The following WDFY4 variants were observed in gnomAD, a reference collection of about 807,000 sequenced individuals.
WDFY4 encodes WD repeat- and FYVE domain-containing protein 4.
Under a neutral mutation model 351.9 loss-of-function variants are expected in WDFY4, and 169 were observed. That is an observed-to-expected ratio of 0.48 (90% CI 0.42 to 0.55). WDFY4 has a LOEUF of 0.55. Ranked by LOEUF, WDFY4 falls within the 20% of genes least tolerant of loss-of-function variation. WDFY4 has a pLI of 0.00. For synonymous variants in WDFY4, 1,622 were observed against 1,574.6 expected (o/e 1.03, Z -0.71); for missense variants, 3,803 against 3,935.6 (o/e 0.97, Z 0.90).
chr10:48,966,290 C>T (rs1222133601), intron 54 of WDFY4, among the ~76,000 whole-genome samples: 1 of 152,150 alleles, frequency 6.6e-6, no homozygotes, highest in Non-Finnish European at 1.5e-5. Context: ...AGAGATTTGG[C>T]AGGCAGAAGG....
At chr10:48,703,940 G>T (rs2063551499) in intron 1 of WDFY4, among the ~76,000 whole-genome samples, 1 of 152,094 alleles carries the variant, frequency 6.6e-6, no homozygotes, top group Non-Finnish European at 1.5e-5. Flanking sequence ...CTGGGGGCAT[G>T]CATGGCCACT....
At chr10:48,703,345 A>G (rs896234307) in intron 1 of WDFY4, among the ~76,000 whole-genome samples, 4 of 152,178 alleles carry the variant, frequency 2.6e-5, no homozygotes, top group Admixed American at 6.5e-5. Flanking sequence ...TCTATTTTGT[A>G]TCATCTGGTT....
At chr10:48,809,148 CCACCATCACCATTACCACCACCATCAT>C (rs1565223283) in intron 28 of WDFY4, among the ~76,000 whole-genome samples, 2 of 151,498 alleles carry the variant, frequency 1.3e-5, no homozygotes, top group Non-Finnish European at 2.9e-5. Context: ...ACCATCACCA[CCACCATCACCATTACCACCACCATCAT>C]CACCATCACC....
At position 48,743,450 on chromosome 10, in the gene WDFY4, C is replaced by T. The variant is rs1410562863; in HGVS notation, c.2361C>T (p.Ser787=). 2 of 1,550,216 alleles carry T rather than the reference C, an allele frequency of 1.3e-6. No homozygotes were observed. Among genetic ancestry groups the T allele is most frequent in the South Asian group, 1.2e-5 (1 of 84,050 alleles). ...ACTTGCGTGGGGACCTGAAGGAGTC[C>T]CTGAGGACCAAGCAGGGGCCGGTTG... is the stretch of plus-strand genomic sequence containing the variant. ...TLHLRGDLKE[S]LRTKQGPVVD... The change falls in exon 12 of 62, where the codon TCC becomes TCT. Residue 787 remains serine, a synonymous_variant. Coordinates refer to ENST00000325239, the MANE Select transcript of WDFY4 (RefSeq NM_001394531.1).
At chr10:48,972,827 TA>T (rs1245766979) in intron 57 of WDFY4, among the ~76,000 whole-genome samples, 1 of 152,214 alleles carries the variant, frequency 6.6e-6, no homozygotes, top group Non-Finnish European at 1.5e-5. Context: ...CATGGGGAAT[TA>T]TTTTCCGGGG....
chr10:48,842,435 T>C (rs1039643368), intron 39 of WDFY4, among the ~76,000 whole-genome samples: 6 of 152,264 alleles, frequency 3.9e-5, no homozygotes, highest in Admixed American at 3.9e-4. Flanking sequence ...TCCTGACTTC[T>C]GAGCTCTGCA....
chr10:48,927,062 A>T (rs573675825), intron 47 of WDFY4, among the ~76,000 whole-genome samples: 2,506 of 152,338 alleles, frequency 0.016, 40 homozygotes, highest in African/African-American at 0.02. Flanking sequence ...GGAGAGCTGC[A>T]GGCTGCTGTA....
At chr10:48,801,522 C>T (rs1184690502) in intron 24 of WDFY4, 2 of 456,536 alleles carry the variant, frequency 4.4e-6, no homozygotes, top group Non-Finnish European at 8.8e-6. Context: ...TGTTGGGGTG[C>T]CATGCTGGAT....
intron 1 of WDFY4, 68 bp from the exon 2 acceptor site, chr10:48,709,648 T>C: frequency 7.2e-7 from 1 of 1,384,050 alleles, no homozygotes; most frequent in Non-Finnish European, 1.0e-6. Flanking sequence ...TACAGTACCT[T>C]ATCCACAGCC....
At chr10:48,719,853 T>C (rs531937381) in intron 2 of WDFY4, among the ~76,000 whole-genome samples, 158 bp from the exon 3 acceptor site, 31 of 152,266 alleles carry the variant, frequency 2.0e-4, no homozygotes, top group African/African-American at 7.0e-4. Flanking sequence ...GGATGATGGT[T>C]GAGGCTGTGA....
intron 47 of WDFY4, among the ~76,000 whole-genome samples, chr10:48,912,498 G>A (rs376936618): frequency 2.0e-5 from 3 of 152,154 alleles, no homozygotes; most frequent in African/African-American, 7.2e-5. Context: ...GCACATCCAC[G>A]ACTGGGATCT....
intron 12 of WDFY4, among the ~76,000 whole-genome samples, chr10:48,753,114 G>T (rs1012220939): frequency 6.6e-6 from 1 of 152,106 alleles, no homozygotes; most frequent in African/African-American, 2.4e-5. Context: ...TTTCTCTAAT[G>T]GCTAATAATG....
intron 40 of WDFY4, among the ~76,000 whole-genome samples, chr10:48,868,108 C>T (rs1176264134): frequency 2.6e-5 from 4 of 152,192 alleles, no homozygotes; most frequent in African/African-American, 9.7e-5. Context: ...AAGGCTTACA[C>T]ATGGTGCCCG....
chr10:48,837,247 GAAGGTCA>G (rs2133099119), intron 39 of WDFY4, among the ~76,000 whole-genome samples: 1 of 152,106 alleles, frequency 6.6e-6, no homozygotes. Flanking sequence ...CTGGGAGGAG[GAAGGTCA>G]AAGCCTGTGC....
At chr10:48,787,926 T>C (rs1468802222) in intron 20 of WDFY4, among the ~76,000 whole-genome samples, 2 of 82,624 alleles carry the variant, frequency 2.4e-5, no homozygotes, top group African/African-American at 5.4e-5. Flanking sequence ...TTCTTCTTCT[T>C]CTTCTTCTTC....
At chr10:48,788,409 C>T in intron 20 of WDFY4, 121 bp from the exon 21 acceptor site, 1 of 1,221,168 alleles carries the variant, frequency 8.2e-7, no homozygotes, top group South Asian at 1.6e-5. Context: ...TGCAATGTGA[C>T]AACATACAAA....
chr10:48,952,888 T>C (rs1841397753), intron 51 of WDFY4, among the ~76,000 whole-genome samples: 1 of 152,220 alleles, frequency 6.6e-6, no homozygotes, highest in Non-Finnish European at 1.5e-5. Context: ...TGTCAGGGCC[T>C]GGCTTTTTCC....
chr10:48,972,271 C>A (rs1564541052), intron 57 of WDFY4, among the ~76,000 whole-genome samples: 1 of 152,182 alleles, frequency 6.6e-6, no homozygotes, highest in African/African-American at 2.4e-5. Flanking sequence ...TGAAGAGCCT[C>A]ACAGGCGGTT....
chr10:48,923,132 C>T (rs554742965), intron 47 of WDFY4, among the ~76,000 whole-genome samples: 3 of 152,300 alleles, frequency 2.0e-5, no homozygotes, highest in African/African-American at 2.4e-5. Context: ...GCTTGTCCCA[C>T]GTTGGAAGTC....
Sources: allele counts gnomAD v4.1 joint callset (sites outside exome capture counted in the v4.1 genomes callset), GRCh38; gene constraint gnomAD v4.1.1; transcripts MANE v1.5; gene names NCBI Gene and HGNC (gene_info 2026-07-23, HGNC 2026-07-21).